Variants in JADE3 observed in about 807,000 individuals in gnomAD.
JADE3 encodes protein Jade-3.
Under a neutral mutation model 50.1 loss-of-function variants are expected in JADE3, and 2 were observed. The ratio of observed to expected loss-of-function variants is 0.04; its 90% CI spans 0.02 to 0.13. The LOEUF (loss-of-function observed/expected upper bound fraction) is 0.13. Among genes scored for constraint, JADE3 ranks in the 10% least tolerant of loss-of-function variants. The pLI, the probability that JADE3 is intolerant of heterozygous loss-of-function variation, is 1.00. For synonymous variants in JADE3, 218 were observed against 232.9 expected, an observed-to-expected ratio of 0.94 and a Z score of 0.58; for missense variants, 475 against 634.4, an observed-to-expected ratio of 0.75 and a Z score of 2.70.
chrX:47,049,755 CTTT>C (rs536912145), intron 8 of JADE3, among the ~76,000 whole-genome samples: 7 of 55,891 alleles, frequency 1.3e-4, no homozygotes, highest in African/African-American at 4.0e-4. Flanking sequence ...TCTTCTTCTT[CTTT>C]TTTTTTTTTT....
rs1929356863 is a variant in JADE3, at chrX:47,045,816, G to A, written c.972+6751G>A. ...ACCAGTAGGTCAATGAAGGAATTAAGAAGAAAATTTAAAACTGTCTTGAAA... is the reference window on the plus strand; with the variant it reads ...ACCAGTAGGTCAATGAAGGAATTAAAAAGAAAATTTAAAACTGTCTTGAAA... On this transcript the variant is annotated intron_variant, in intron 8 of 10. Coordinates refer to ENST00000614628, the MANE Select transcript of JADE3 (RefSeq NM_014735.5). Among the ~76,000 whole-genome samples, 7 of 104,197 alleles carry A rather than the reference G, an allele frequency of 6.7e-5. No individual in the cohort carries two copies. The Admixed American group carries it at 7.2e-4, about 11-fold the overall frequency. 90.5% of individuals were successfully genotyped at this position (104,197 alleles called of 115,157 possible).
chrX:46,969,978 AAAGT>A (rs1157036570), intron 1 of JADE3, among the ~76,000 whole-genome samples: 2 of 112,472 alleles, frequency 1.8e-5, no homozygotes, highest in African/African-American at 6.5e-5. Flanking sequence ...AGATAAACCC[AAAGT>A]AAGTGAAGGA....
chrX:47,022,050 A>G (rs1419478743), intron 4 of JADE3, among the ~76,000 whole-genome samples: 1 of 112,464 alleles, frequency 8.9e-6, no homozygotes, highest in Non-Finnish European at 1.9e-5. Context: ...CAGAAGCTTA[A>G]TGAGCATATT....
intron 4 of JADE3, among the ~76,000 whole-genome samples, chrX:47,024,102 A>C (rs1928855407): frequency 1.8e-5 from 2 of 112,121 alleles, no homozygotes; most frequent in African/African-American, 3.2e-5. Flanking sequence ...GCCTTTGTGC[A>C]GATATCGCCC....
chrX:46,972,894 C>T (rs782177670), intron 1 of JADE3, among the ~76,000 whole-genome samples: 6 of 112,346 alleles, frequency 5.3e-5, no homozygotes, highest in Non-Finnish European at 9.4e-5. Context: ...CCACCGCGCC[C>T]GGCTGGAATA....
chrX:47,007,829 G>T (rs1329833654), intron 4 of JADE3, among the ~76,000 whole-genome samples: 1 of 107,032 alleles, frequency 9.3e-6, no homozygotes, highest in Admixed American at 1.0e-4. Flanking sequence ...GTGTGTGTGT[G>T]TGTGTGTGTG....
chrX:46,992,799 T>C (rs1928046941), intron 3 of JADE3, among the ~76,000 whole-genome samples: 1 of 111,871 alleles, frequency 8.9e-6, no homozygotes, highest in Admixed American at 9.5e-5. Context: ...TCTTTGATAT[T>C]TAGTGTATCA....
chrX:46,967,190 G>T lies in JADE3; in HGVS notation c.-11-17694G>T, dbSNP rs115822054. 6.4e-3 allele frequency among the ~76,000 whole-genome samples: 713 copies of T among 112,187 alleles called. 5 individuals carry two copies. Among genetic ancestry groups the T allele is most frequent in the African/African-American group, 0.021 (662 of 30,895 alleles). On this transcript the variant is annotated intron_variant, in intron 1 of 10. Coordinates refer to ENST00000614628, the MANE Select transcript of JADE3 (RefSeq NM_014735.5). ...AGACCAAGTTAATTTATTTGCCTTTGATCTTGAAGGATGAAATTAAACTGC... is the reference window on the plus strand; with the variant it reads ...AGACCAAGTTAATTTATTTGCCTTTTATCTTGAAGGATGAAATTAAACTGC...
At position 47,007,805 on chromosome X, in the gene JADE3, TTTTGTGTGTG is replaced by T. The variant is rs1481030532; in HGVS notation, c.284+9530_284+9539del. ...GTTAGGACTTCAGCGTGTCCTTTTATTTTGTGTGTGTGTGTGTGTGTGTGTGTGTGTGTGT... is the reference window on the plus strand; with the variant it reads ...GTTAGGACTTCAGCGTGTCCTTTTATTGTGTGTGTGTGTGTGTGTGTGTGT... On this transcript the variant is annotated intron_variant, in intron 4 of 10. Transcript: ENST00000614628. Among the ~76,000 whole-genome samples, 300 of 79,828 alleles carry T rather than the reference TTTTGTGTGTG, an allele frequency of 3.8e-3. 1 individual carries two copies. The highest frequency in any genetic ancestry group is 8.9e-3 in the African/African-American group (183 of 20,601). The allele number at this position is 79,828 out of a possible 115,157, so 69.3% of individuals were successfully genotyped here.
chrX:47,029,499 T>A (rs1011397143), intron 6 of JADE3, among the ~76,000 whole-genome samples: 41 of 111,963 alleles, frequency 3.7e-4, no homozygotes, highest in African/African-American at 1.2e-3. Context: ...TTCAGTTCTG[T>A]CCTGTCAACC....
chrX:46,970,493 T>C (rs782583489), intron 1 of JADE3, among the ~76,000 whole-genome samples: 1 of 111,921 alleles, frequency 8.9e-6, no homozygotes, highest in African/African-American at 3.2e-5. Flanking sequence ...TTAACAGTTT[T>C]AGGCTGTGAT....
chrX:46,924,502 A>G (rs1288488482), intron 1 of JADE3, among the ~76,000 whole-genome samples: 2 of 112,254 alleles, frequency 1.8e-5, no homozygotes, highest in African/African-American at 6.5e-5. Context: ...TTTTAGTGAG[A>G]GTGGAGATGG....
chrX:47,011,728 T>C (rs939321275), intron 4 of JADE3, among the ~76,000 whole-genome samples: 10 of 112,223 alleles, frequency 8.9e-5, no homozygotes, highest in Non-Finnish European at 1.5e-4. Flanking sequence ...ATAGCCTTTC[T>C]AGTGGGTATG....
intron 1 of JADE3, among the ~76,000 whole-genome samples, chrX:46,955,668 T>C (rs373683529): frequency 1.8e-5 from 2 of 111,219 alleles, no homozygotes; most frequent in Non-Finnish European, 3.8e-5. Flanking sequence ...ATTTAGAAAC[T>C]GAGAGGTTCC....
intron 1 of JADE3, among the ~76,000 whole-genome samples, chrX:46,953,116 T>G (rs1194348895): frequency 2.7e-5 from 3 of 111,813 alleles, no homozygotes. Context: ...CCAGTTACTT[T>G]TTGTTGCTGC....
At chrX:47,024,647 G>A in intron 4 of JADE3, 77 bp from the exon 5 acceptor site, 1 of 588,483 alleles carries the variant, frequency 1.7e-6, no homozygotes, top group East Asian at 3.5e-5. Flanking sequence ...CCTCCCAGAG[G>A]GCATTTAGCC....
At chrX:46,938,935 C>G (rs1444675960) in intron 1 of JADE3, among the ~76,000 whole-genome samples, 1 of 112,470 alleles carries the variant, frequency 8.9e-6, no homozygotes, top group African/African-American at 3.2e-5. Context: ...TCAAGTGATT[C>G]TCCTGTCTCT....
At chrX:46,957,825 T>C (rs1230980031) in intron 1 of JADE3, among the ~76,000 whole-genome samples, 1 of 112,316 alleles carries the variant, frequency 8.9e-6, no homozygotes, top group African/African-American at 3.2e-5. Flanking sequence ...TGAATGAACC[T>C]TATTCTGTCT....
chrX:46,931,422 T>A (rs1602373139), intron 1 of JADE3, among the ~76,000 whole-genome samples: 1 of 104,988 alleles, frequency 9.5e-6, no homozygotes, highest in Non-Finnish European at 2.0e-5. Context: ...TATATGTAAA[T>A]TTTTTTTTTT....
Sources: gnomAD v4.1 joint callset for allele counts (sites outside exome capture counted in the v4.1 genomes callset) on GRCh38, gnomAD v4.1.1 for gene constraint, MANE v1.5 for transcripts, NCBI Gene and HGNC (gene_info 2026-07-23, HGNC 2026-07-21) for gene names.